Variants in MSRA observed in about 807,000 individuals in gnomAD.
The protein encoded by MSRA is methionine sulfoxide reductase A.
MSRA carries 54 observed loss-of-function variants against 31.3 expected under a neutral mutation model. The ratio of observed to expected loss-of-function variants is 1.73; its 90% CI spans 1.39 to 2.17. MSRA has a LOEUF of 2.17. MSRA is among the 30% of genes most tolerant of loss of function. The pLI, the probability that MSRA is intolerant of heterozygous loss-of-function variation, is 0.00. For synonymous variants in MSRA, 169 were observed against 116.5 expected, an observed-to-expected ratio of 1.45 and a Z score of -2.90; for missense variants, 507 against 300.9, an observed-to-expected ratio of 1.69 and a Z score of -5.07.
chr8:10,113,763 A>AT (rs1178311984), intron 1 of MSRA, among the ~76,000 whole-genome samples: 18 of 147,786 alleles, frequency 1.2e-4, no homozygotes, highest in African/African-American at 2.5e-4. Context: ...AGGTATTTGC[A>AT]TTTTTTTTTT....
chr8:10,223,999 G>C (rs550558088), intron 2 of MSRA, among the ~76,000 whole-genome samples: 2 of 152,114 alleles, frequency 1.3e-5, no homozygotes, highest in Non-Finnish European at 1.5e-5. Flanking sequence ...AACTAGTTCT[G>C]GGTCCATGGC....
chr8:10,104,828 G>T (rs1799774833), intron 1 of MSRA, among the ~76,000 whole-genome samples: 1 of 152,150 alleles, frequency 6.6e-6, no homozygotes, highest in East Asian at 1.9e-4. Flanking sequence ...TGGCCAAGAG[G>T]AGAGGTCCAT....
Position 10,334,284 on chromosome 8 carries a change from C to T in MSRA, c.543+14295C>T, listed in dbSNP as rs151168838. Among the ~76,000 whole-genome samples the T allele has an allele frequency of 2.4e-3, 361 of 151,946 alleles. 2 individuals carry two copies. Among genetic ancestry groups the T allele is most frequent in the African/African-American group, 8.3e-3 (342 of 41,408 alleles). On this transcript the variant is annotated intron_variant, in intron 5 of 5. Coordinates refer to ENST00000317173, the MANE Select transcript of MSRA (RefSeq NM_012331.5). ...GAAAAGAAAGGGATGGCAGCAGAAA[C>T]ATTTTAAACACAGCATTTCAGCTAG... is the stretch of plus-strand genomic sequence containing the variant.
At chr8:10,170,112 C>A (rs1361891416) in intron 1 of MSRA, among the ~76,000 whole-genome samples, 2 of 147,782 alleles carry the variant, frequency 1.4e-5, no homozygotes, top group Non-Finnish European at 3.0e-5. Context: ...TCTTGAACTC[C>A]TGACCTCAGG....
intron 5 of MSRA, among the ~76,000 whole-genome samples, chr8:10,362,481 A>G (rs868326113): frequency 4.6e-5 from 7 of 150,624 alleles, no homozygotes; most frequent in African/African-American, 1.7e-4. Context: ...AAAAAAAAAA[A>G]AGTGGGCTTG....
At chr8:10,377,422 A>G (rs913038691) in intron 5 of MSRA, among the ~76,000 whole-genome samples, 1 of 152,256 alleles carries the variant, frequency 6.6e-6, no homozygotes, top group Non-Finnish European at 1.5e-5. Flanking sequence ...AGATAAGCCA[A>G]AGTGTATTAC....
chr8:10,280,191 CT>C (rs979618479), intron 3 of MSRA, among the ~76,000 whole-genome samples: 9 of 151,114 alleles, frequency 6.0e-5, no homozygotes, highest in South Asian at 4.2e-4. Flanking sequence ...TTTGTGCTTT[CT>C]TTTTTTTTCT....
chr8:10,094,268 T>A (rs1799007116), intron 1 of MSRA, among the ~76,000 whole-genome samples: 1 of 152,226 alleles, frequency 6.6e-6, no homozygotes, highest in African/African-American at 2.4e-5. Context: ...AATTTCAGAT[T>A]GATATTTATG....
intron 1 of MSRA, among the ~76,000 whole-genome samples, chr8:10,136,538 C>G (rs1286203656): frequency 1.3e-5 from 2 of 152,232 alleles, no homozygotes; most frequent in African/African-American, 4.8e-5. Context: ...GAGCTATGGA[C>G]TTGTCCTCAT....
intron 5 of MSRA, among the ~76,000 whole-genome samples, chr8:10,363,736 C>CA (rs1265110553): frequency 0.026 from 619 of 23,598 alleles, 7 homozygotes; most frequent in African/African-American, 0.043. Flanking sequence ...AAGATGCAGT[C>CA]ACCACACACA....
intron 2 of MSRA, among the ~76,000 whole-genome samples, chr8:10,235,075 A>T (rs935319629): frequency 1.2e-4 from 18 of 152,022 alleles, no homozygotes; most frequent in African/African-American, 3.9e-4. Flanking sequence ...CTTGTCCATA[A>T]ATGTCTGTAA....
At chr8:10,267,755 G>A (rs1486243305) in intron 3 of MSRA, among the ~76,000 whole-genome samples, 3 of 152,152 alleles carry the variant, frequency 2.0e-5, no homozygotes, top group African/African-American at 7.2e-5. Context: ...CTGCCAGAAG[G>A]GGAAGAGTAT....
intron 1 of MSRA, among the ~76,000 whole-genome samples, chr8:10,111,678 G>T (rs964132518): frequency 1.8e-4 from 27 of 152,330 alleles, no homozygotes; most frequent in Middle Eastern, 3.4e-3. Flanking sequence ...TCTTGTTCAT[G>T]TTATTGGGCT....
At chr8:10,218,648 G>A (rs1810220530) in intron 2 of MSRA, among the ~76,000 whole-genome samples, 1 of 152,200 alleles carries the variant, frequency 6.6e-6, no homozygotes, top group African/African-American at 2.4e-5. Context: ...GATAAGTGGT[G>A]ATTTTCCTTA....
At chr8:10,214,431 A>T (rs546030897) in intron 2 of MSRA, among the ~76,000 whole-genome samples, 1 of 152,266 alleles carries the variant, frequency 6.6e-6, no homozygotes, top group Admixed American at 6.5e-5. Context: ...CAGCCAAGAA[A>T]ACAACATTGG....
chr8:10,235,037 T>C (rs1419712838), intron 2 of MSRA, among the ~76,000 whole-genome samples: 1 of 152,114 alleles, frequency 6.6e-6, no homozygotes, highest in Non-Finnish European at 1.5e-5. Flanking sequence ...TAAACAGATA[T>C]AGATGATTTA....
intron 5 of MSRA, among the ~76,000 whole-genome samples, chr8:10,339,216 T>C (rs187349341): frequency 1.9e-4 from 29 of 152,342 alleles, no homozygotes; most frequent in Admixed American, 1.6e-3. Context: ...GAAGCGATGA[T>C]GTTGGAGTTG....
At chr8:10,107,393 C>A (rs188515693) in intron 1 of MSRA, among the ~76,000 whole-genome samples, 3 of 152,026 alleles carry the variant, frequency 2.0e-5, no homozygotes, top group Middle Eastern at 3.4e-3. Context: ...CTTTTCTGAC[C>A]TCCTGAGAAA....
At chr8:10,068,105 A>G (rs887679057) in intron 1 of MSRA, among the ~76,000 whole-genome samples, 1 of 152,054 alleles carries the variant, frequency 6.6e-6, no homozygotes, top group Non-Finnish European at 1.5e-5. Flanking sequence ...GCTGATGTCG[A>G]ACTTTTGACC....
Sources: allele counts gnomAD v4.1 joint callset (sites outside exome capture counted in the v4.1 genomes callset), GRCh38; gene constraint gnomAD v4.1.1; transcripts MANE v1.5; gene names NCBI Gene and HGNC (gene_info 2026-07-23, HGNC 2026-07-21).